Variants in SCAF11 observed in about 807,000 individuals in gnomAD.
The protein encoded by SCAF11 is protein SCAF11.
A neutral mutation model predicts 140.5 loss-of-function variants in SCAF11; 47 were observed. That is an observed-to-expected ratio of 0.33 (90% CI 0.26 to 0.43). The LOEUF is 0.43. SCAF11 is among the 20% of genes least tolerant of loss of function. The probability of loss-of-function intolerance (pLI) is 1.00; values close to 1 mark genes in which losing one functional copy is unlikely to be tolerated. For synonymous variants in SCAF11, 557 were observed against 579.4 expected (o/e 0.96, Z 0.55); for missense variants, 1,645 against 1,705.1 (o/e 0.96, Z 0.62).
chr12:45,961,144 AAT>A (rs1182711515), intron 3 of SCAF11: 7 of 546,068 alleles, frequency 1.3e-5, no homozygotes, highest in Non-Finnish European at 2.0e-5. Context: ...TAAAAACAGG[AAT>A]TAGAAAATCA....
intron 3 of SCAF11, among the ~76,000 whole-genome samples, chr12:45,954,033 T>C (rs940728421): frequency 6.6e-6 from 1 of 152,224 alleles, no homozygotes; most frequent in Non-Finnish European, 1.5e-5. Context: ...ATGACGTAGA[T>C]GGAAATCCAA....
At chr12:45,978,756 G>C (rs982740801) in intron 1 of SCAF11, among the ~76,000 whole-genome samples, 1 of 152,128 alleles carries the variant, frequency 6.6e-6, no homozygotes, top group Non-Finnish European at 1.5e-5. Context: ...CTTCTGAGCA[G>C]AAATGACAAT....
intron 6 of SCAF11, among the ~76,000 whole-genome samples, chr12:45,942,595 C>T (rs893458233): frequency 1.3e-5 from 2 of 152,214 alleles, no homozygotes; most frequent in Non-Finnish European, 2.9e-5. Context: ...CCTTGCTATT[C>T]TTTGGAGACA....
intron 1 of SCAF11, among the ~76,000 whole-genome samples, chr12:45,985,585 C>T (rs1386211612): frequency 2.6e-5 from 4 of 152,126 alleles, no homozygotes; most frequent in Non-Finnish European, 4.4e-5. Flanking sequence ...TCTCCAGAGC[C>T]CCAGACTCAT....
rs201520417 is a variant in SCAF11 at position 45,926,178 on chromosome 12, C to T, written c.3523G>A (p.Gly1175Arg). The change falls in exon 11 of 15, where the codon GGA (glycine) becomes AGA (arginine). Residue 1175 changes from glycine (G) to arginine (R), a missense_variant. Physicochemically the swap from Gly to Arg is moderately radical, Grantham distance 125. Transcript: ENST00000369367. ...RGRNSSGPQS[G>R]WMKQEEETSG... ...GTTTCCTCCTCTTGTTTCATCCATC[C>T]AGACTGTGGACCTGAAGAATTTCTG... 1.9e-6 allele frequency: 3 copies of T among 1,613,998 alleles called. No homozygotes were observed. The highest frequency in any genetic ancestry group is 2.5e-6 in the Non-Finnish European group (3 of 1,179,926).
intron 1 of SCAF11, among the ~76,000 whole-genome samples, chr12:45,968,944 C>A (rs979123864): frequency 6.6e-6 from 1 of 151,804 alleles, no homozygotes. Flanking sequence ...CCCAAAAACG[C>A]AAAAAACAAA....
At chr12:45,943,437 C>T (rs571805106) in intron 6 of SCAF11, among the ~76,000 whole-genome samples, 40 of 152,270 alleles carry the variant, frequency 2.6e-4, no homozygotes, top group South Asian at 1.2e-3. Flanking sequence ...AGAGAGCCCA[C>T]GCTCACCTAA....
intron 3 of SCAF11, chr12:45,956,216 TAAGAC>T (rs1448359960): frequency 7.0e-6 from 5 of 713,530 alleles, no homozygotes; most frequent in Non-Finnish European, 1.3e-5. Context: ...AAACAAGTGT[TAAGAC>T]AAGTGCTTAA....
At chr12:45,984,923 G>C (rs1375834341) in intron 1 of SCAF11, among the ~76,000 whole-genome samples, 1 of 152,162 alleles carries the variant, frequency 6.6e-6, no homozygotes, top group African/African-American at 2.4e-5. Context: ...TTGAACTCCT[G>C]ACCTCAAGTG....
chr12:45,948,328 T>C (rs187114000), intron 5 of SCAF11, 109 bp downstream of exon 5: 1 of 686,774 alleles, frequency 1.5e-6, no homozygotes, highest in African/African-American at 1.8e-5. Context: ...TGCTTTTGAA[T>C]AAGTGATTAA....
intron 3 of SCAF11, among the ~76,000 whole-genome samples, chr12:45,954,373 A>T (rs1375875801): frequency 2.0e-5 from 3 of 151,982 alleles, no homozygotes; most frequent in Non-Finnish European, 4.4e-5. Flanking sequence ...AGTAGCTGGG[A>T]CTACAGGTGC....
Position 45,931,489 on chromosome 12 carries a change from G to A in SCAF11, c.841+17C>T. 2.4e-6 allele frequency: 3 copies of A among 1,233,772 alleles called. No homozygotes were observed. The highest frequency in any genetic ancestry group is 3.3e-6 in the Non-Finnish European group (3 of 918,314). 76.4% of individuals were successfully genotyped at this position (1,233,772 alleles called of 1,614,324 possible). On this transcript the variant is annotated intron_variant, in intron 10 of 14. Coordinates refer to ENST00000369367, the MANE Select transcript of SCAF11 (RefSeq NM_004719.3). Reference sequence around the variant, plus strand: ...AATAATAATTTTTAAAATAGAAAATGATTTCACAAACTTTACCAAAATGTT... The same window carrying A: ...AATAATAATTTTTAAAATAGAAAATAATTTCACAAACTTTACCAAAATGTT...
rs1944862350 is a variant in SCAF11, at chr12:45,926,482, T to C, written c.3219A>G (p.Arg1073=). The change falls in exon 11 of 15, where the codon AGA becomes AGG. Residue 1073 remains arginine, a synonymous_variant. Coordinates refer to ENST00000369367, the MANE Select transcript of SCAF11 (RefSeq NM_004719.3). ...TGCCTCTGCCACGGTTGCCTCTGCC[T>C]CTACCACGGTTAGATACCCAACCAG... ...FGSGWVSNRG[R]GRGNRGRGTY... is the part of the protein sequence containing the mutation. 1 of 1,614,216 alleles carries C rather than the reference T, an allele frequency of 6.2e-7. No homozygotes were observed. Among genetic ancestry groups the C allele is most frequent in the Non-Finnish European group, 8.5e-7 (1 of 1,180,024 alleles).
intron 6 of SCAF11, among the ~76,000 whole-genome samples, chr12:45,942,941 T>C (rs1268917967): frequency 6.6e-6 from 1 of 150,910 alleles, no homozygotes; most frequent in Admixed American, 6.6e-5. Flanking sequence ...GTGCTCAGTA[T>C]AGTTAGGTAT....
intron 1 of SCAF11, among the ~76,000 whole-genome samples, chr12:45,964,407 C>T (rs1945894211): frequency 6.6e-6 from 1 of 152,200 alleles, no homozygotes; most frequent in Non-Finnish European, 1.5e-5. Context: ...GTGGCTCACG[C>T]CTGTAATCCC....
intron 8 of SCAF11, among the ~76,000 whole-genome samples, 175 bp downstream of exon 8, chr12:45,934,001 T>C (rs1027703829): frequency 1.3e-5 from 2 of 151,990 alleles, no homozygotes; most frequent in Non-Finnish European, 2.9e-5. Context: ...AATTAACAGG[T>C]TTTCTCTTTG....
chr12:45,966,490 C>T (rs989248599), intron 1 of SCAF11, among the ~76,000 whole-genome samples: 4 of 150,132 alleles, frequency 2.7e-5, no homozygotes, highest in East Asian at 1.9e-4. Flanking sequence ...GTATGTTAGA[C>T]GTTGAGAAGT....
intron 12 of SCAF11, among the ~76,000 whole-genome samples, chr12:45,924,297 C>G (rs1944790782): frequency 6.6e-6 from 1 of 152,128 alleles, no homozygotes; most frequent in Non-Finnish European, 1.5e-5. Flanking sequence ...GGATAATAAA[C>G]AGCTTTATCC....
At chr12:45,949,618 A>G (rs1410221404) in intron 4 of SCAF11, among the ~76,000 whole-genome samples, 1 of 152,182 alleles carries the variant, frequency 6.6e-6, no homozygotes, top group African/African-American at 2.4e-5. Flanking sequence ...GCAGAAAAAA[A>G]CAGATGAGGG....
Sources: allele counts gnomAD v4.1 joint callset (sites outside exome capture counted in the v4.1 genomes callset), GRCh38; gene constraint gnomAD v4.1.1; transcripts MANE v1.5; gene names NCBI Gene and HGNC (gene_info 2026-07-23, HGNC 2026-07-21).